PREX2: variants seen among roughly 807,000 people sequenced by gnomAD.
The protein encoded by PREX2 is phosphatidylinositol 3,4,5-trisphosphate-dependent Rac exchanger 2 protein.
In PREX2, 107 loss-of-function variants were observed where a neutral mutation model predicts 203.2. That is an observed-to-expected ratio of 0.53 (90% CI 0.45 to 0.62). The LOEUF is 0.62. PREX2 is among the 20% of genes least tolerant of loss of function. The pLI is 0.00. For missense variants in PREX2, 1,777 were observed against 1,955.9 expected (o/e 0.91, Z 1.72); for synonymous variants, 672 against 663.6 (o/e 1.01, Z -0.19).
At chr8:68,160,763 T>G (rs1811637740) in intron 35 of PREX2, among the ~76,000 whole-genome samples, 1 of 152,184 alleles carries the variant, frequency 6.6e-6, no homozygotes, top group African/African-American at 2.4e-5. Context: ...GCAAAAATCT[T>G]TATTCTTTGA....
rs543337594 is a variant in PREX2, at chr8:68,083,585, AT to A, written c.2027+198del. ...TGATGCTGACATACTTGTTACTTGA[AT>A]CATGTAGTTTTAGTGGAAACAATGC... On this transcript the variant is annotated intron_variant, in intron 18 of 39. Coordinates refer to ENST00000288368, the MANE Select transcript of PREX2 (RefSeq NM_024870.4). Among the ~76,000 whole-genome samples, 124 of 152,326 alleles carry A rather than the reference AT, an allele frequency of 8.1e-4. 1 individual carries two copies. The highest frequency in any genetic ancestry group is 2.8e-3 in the African/African-American group (117 of 41,578).
chr8:67,981,831 T>C (rs1435993889), intron 1 of PREX2, among the ~76,000 whole-genome samples: 1 of 152,158 alleles, frequency 6.6e-6, no homozygotes, highest in East Asian at 1.9e-4. Flanking sequence ...CTATGTGCTG[T>C]GAGGTTTTCT....
intron 6 of PREX2, among the ~76,000 whole-genome samples, chr8:68,032,752 A>G (rs1807921428): frequency 2.0e-5 from 3 of 152,186 alleles, no homozygotes; most frequent in Admixed American, 2.0e-4. Context: ...CTCAGCCTGC[A>G]GAAGCTTTGT....
Position 68,191,702 on chromosome 8 carries a change from TA to T in PREX2, c.4347-19del, listed in dbSNP as rs765875030. 1 of 1,564,136 alleles carries T rather than the reference TA, an allele frequency of 6.4e-7. No individual in the cohort carries two copies. Among genetic ancestry groups the T allele is most frequent in the Non-Finnish European group, 8.8e-7 (1 of 1,136,500 alleles). On this transcript the variant is annotated intron_variant, in intron 35 of 39. Transcript: ENST00000288368. ...CTTTTCCTAACAACAAATGATAATT[TA>T]TTTCTTGGATTCTTACAGGGCATTC...
At chr8:68,207,582 A>G (rs550629251) in intron 37 of PREX2, among the ~76,000 whole-genome samples, 21 of 151,294 alleles carry the variant, frequency 1.4e-4, no homozygotes, top group African/African-American at 4.9e-4. Context: ...GGTGGTGGTA[A>G]TAGTAATGAA....
At chr8:68,123,717 T>C (rs1810825573) in intron 30 of PREX2, among the ~76,000 whole-genome samples, 1 of 151,726 alleles carries the variant, frequency 6.6e-6, no homozygotes, top group African/African-American at 2.4e-5. Context: ...CAGAAAGAAA[T>C]TGAATCCCTG....
intron 1 of PREX2, among the ~76,000 whole-genome samples, chr8:68,003,189 T>C (rs1806993626): frequency 6.6e-6 from 1 of 151,522 alleles, no homozygotes; most frequent in African/African-American, 2.4e-5. Context: ...AGTTTCTTTG[T>C]TTTTTTTAAG....
intron 37 of PREX2, among the ~76,000 whole-genome samples, chr8:68,205,647 C>T (rs963546574): frequency 6.6e-6 from 1 of 152,180 alleles, no homozygotes; most frequent in East Asian, 1.9e-4. Context: ...AACTGCAAAA[C>T]CTTAGAGAAT....
intron 34 of PREX2, 91 bp from the exon 35 acceptor site, chr8:68,157,231 C>CAA (rs1811558833): frequency 1.7e-6 from 1 of 580,576 alleles, no homozygotes; most frequent in African/African-American, 1.9e-5. Flanking sequence ...GTCCTATTTG[C>CAA]TAAATTTACT....
At chr8:67,984,126 T>C (rs1048105041) in intron 1 of PREX2, among the ~76,000 whole-genome samples, 1 of 152,222 alleles carries the variant, frequency 6.6e-6, no homozygotes, top group African/African-American at 2.4e-5. Flanking sequence ...AGCTTCTTAG[T>C]AAAGCTTTTC....
intron 35 of PREX2, among the ~76,000 whole-genome samples, chr8:68,172,974 A>T (rs994405757): frequency 2.6e-5 from 4 of 152,174 alleles, no homozygotes; most frequent in Admixed American, 2.6e-4. Flanking sequence ...CTTTAGTTAT[A>T]GCTTCAGCTG....
Position 68,072,521 on chromosome 8 carries a change from A to G in PREX2, c.1520A>G (p.Tyr507Cys). The G allele has an allele frequency of 6.3e-7, 1 of 1,596,690 alleles. No homozygotes were observed. The highest frequency in any genetic ancestry group is 2.2e-5 in the East Asian group (1 of 44,642). ...GATAAAGATTACCATTTAAGGACCT[A>G]CAAATCTGTGGTCATGGCCAACAAA... is the stretch of plus-strand genomic sequence containing the variant. ...IRDKDYHLRT[Y>C]KSVVMANKLI... Residue 507 changes from tyrosine (Y) to cysteine (C), a missense_variant, in exon 14 of 40, where the codon TAC (tyrosine) becomes TGC (cysteine). Coordinates refer to ENST00000288368, the MANE Select transcript of PREX2 (RefSeq NM_024870.4).
At chr8:68,088,460 G>A (rs757794197) in intron 19 of PREX2, among the ~76,000 whole-genome samples, 1 of 152,154 alleles carries the variant, frequency 6.6e-6, no homozygotes, top group African/African-American at 2.4e-5. Context: ...ATTAGCATAA[G>A]AAGTCATGTG....
At chr8:68,195,623 A>T (rs1319263650) in intron 37 of PREX2, among the ~76,000 whole-genome samples, 1 of 151,800 alleles carries the variant, frequency 6.6e-6, no homozygotes, top group Non-Finnish European at 1.5e-5. Context: ...GCTAGAGAGG[A>T]ACCCAAGCCA....
chr8:68,078,724 A>G (rs998608255), intron 15 of PREX2, among the ~76,000 whole-genome samples: 4 of 152,208 alleles, frequency 2.6e-5, no homozygotes, highest in Admixed American at 1.3e-4. Flanking sequence ...AAGAAATTAC[A>G]TCATGTTAGG....
chr8:68,077,356 T>C, intron 14 of PREX2, 41 bp from the exon 15 acceptor site: 1 of 1,429,966 alleles, frequency 7.0e-7, no homozygotes, highest in African/African-American at 1.4e-5. Context: ...ACAAAGCCTT[T>C]AGTTGCCTAT....
At chr8:68,073,577 A>T (rs576452756) in intron 14 of PREX2, among the ~76,000 whole-genome samples, 2 of 152,180 alleles carry the variant, frequency 1.3e-5, no homozygotes, top group African/African-American at 2.4e-5. Context: ...TTTATATTTC[A>T]TAGCACTTAC....
intron 39 of PREX2, among the ~76,000 whole-genome samples, chr8:68,226,322 A>G (rs770510439): frequency 1.4e-4 from 21 of 152,178 alleles, no homozygotes; most frequent in Non-Finnish European, 2.5e-4. Flanking sequence ...AAGAAGGCAT[A>G]ATTACAAGGA....
chr8:68,048,933 T>G (rs1808441331), intron 8 of PREX2, among the ~76,000 whole-genome samples: 1 of 151,954 alleles, frequency 6.6e-6, no homozygotes, highest in African/African-American at 2.4e-5. Flanking sequence ...TAAGCTGGAT[T>G]GAGTATGTTC....
Sources: gnomAD v4.1 joint callset for allele counts (sites outside exome capture counted in the v4.1 genomes callset) on GRCh38, gnomAD v4.1.1 for gene constraint, MANE v1.5 for transcripts, NCBI Gene and HGNC (gene_info 2026-07-23, HGNC 2026-07-21) for gene names.